The following CALN1 variants were observed in gnomAD, a reference collection of about 807,000 sequenced individuals.
CALN1 encodes the protein calneuron 1.
CALN1 carries 17 observed loss-of-function variants against 30.6 expected under a neutral mutation model. The observed-to-expected ratio is 0.56, with a 90% confidence interval of 0.38 to 0.83. The LOEUF (loss-of-function observed/expected upper bound fraction) is 0.83. Ranked by LOEUF, CALN1 falls within the 40% of genes least tolerant of loss-of-function variation. The probability of loss-of-function intolerance (pLI) is 0.00; values close to 1 mark genes in which losing one functional copy is unlikely to be tolerated. For synonymous variants in CALN1, 156 were observed against 131.4 expected, an observed-to-expected ratio of 1.19 and a Z score of -1.28; for missense variants, 291 against 354.9, an observed-to-expected ratio of 0.82 and a Z score of 1.45.
chr7:72,052,157 T>TTAC (rs1339338968), intron 4 of CALN1, among the ~76,000 whole-genome samples: 2 of 152,170 alleles, frequency 1.3e-5, no homozygotes, highest in Non-Finnish European at 2.9e-5. Flanking sequence ...TTCTGGGAAT[T>TTAC]TACTAACAGT....
At chr7:72,330,970 C>A (rs535021529) in intron 2 of CALN1, among the ~76,000 whole-genome samples, 1 of 152,250 alleles carries the variant, frequency 6.6e-6, no homozygotes, top group East Asian at 1.9e-4. Context: ...AATTAATAAT[C>A]CTGCCAATTT....
At position 71,952,446 on chromosome 7, in the gene CALN1, C is replaced by T. The variant is rs866787910; in HGVS notation, c.501+71211G>A. Among the ~76,000 whole-genome samples, 8 of 152,328 alleles carry T rather than the reference C, an allele frequency of 5.3e-5. No homozygotes were observed. The East Asian group carries it at 1.4e-3, about 26-fold the overall frequency. On this transcript the variant is annotated intron_variant, in intron 5 of 6. Transcript: ENST00000395275. ...TGTCAGCAGAGAAGGAGCTGCTCTG[C>T]CACAAGGACTCGGCTCTGGGTGAGG...
intron 6 of CALN1, among the ~76,000 whole-genome samples, chr7:71,790,368 A>AAAG (rs1470378217): frequency 0.047 from 5,817 of 123,488 alleles, 305 homozygotes; most frequent in East Asian, 0.24. Context: ...AGAAAGAAAG[A>AAAG]AAAGAAAGAA....
chr7:72,188,064 A>C (rs1358241016), intron 3 of CALN1, among the ~76,000 whole-genome samples: 1 of 152,184 alleles, frequency 6.6e-6, no homozygotes, highest in East Asian at 1.9e-4. Context: ...AACAGTGTGG[A>C]GATTTCTTAA....
intron 3 of CALN1, among the ~76,000 whole-genome samples, chr7:72,205,951 T>C (rs1173639767): frequency 6.6e-6 from 1 of 152,280 alleles, no homozygotes; most frequent in African/African-American, 2.4e-5. Context: ...TTTTGGACTT[T>C]TGCCATATAC....
At chr7:71,988,385 C>G (rs191420119) in intron 5 of CALN1, among the ~76,000 whole-genome samples, 20 of 152,098 alleles carry the variant, frequency 1.3e-4, no homozygotes, top group Admixed American at 1.2e-3. Context: ...GGTGTGTGCG[C>G]GCATCCTGCC....
At chr7:71,991,418 T>C (rs1051096019) in intron 5 of CALN1, among the ~76,000 whole-genome samples, 5 of 151,516 alleles carry the variant, frequency 3.3e-5, no homozygotes, top group Admixed American at 6.6e-5. Context: ...AAGATCATGC[T>C]ACTGCACTGC....
At chr7:72,078,313 C>G (rs995905809) in intron 4 of CALN1, among the ~76,000 whole-genome samples, 2 of 151,936 alleles carry the variant, frequency 1.3e-5, no homozygotes, top group Admixed American at 1.3e-4. Context: ...GACGATCCCA[C>G]CTGTACTCTG....
intron 3 of CALN1, among the ~76,000 whole-genome samples, chr7:72,219,403 T>C (rs1245369311): frequency 2.0e-5 from 3 of 152,152 alleles, no homozygotes; most frequent in Admixed American, 2.0e-4. Context: ...TTTTTCTTTT[T>C]ATTTTTTGTA....
chr7:71,888,488 A>C (rs865892763), intron 5 of CALN1, among the ~76,000 whole-genome samples: 2 of 119,632 alleles, frequency 1.7e-5, no homozygotes, highest in African/African-American at 3.6e-5. Context: ...GCAAAAAAAC[A>C]AAAAAACAAA....
In CALN1 at chr7:72,077,467, T is replaced by C. The variant is rs1219687808; in HGVS notation, c.388+28684A>G. On this transcript the variant is annotated intron_variant, in intron 4 of 6. Transcript: ENST00000395275. ...TTTTGTATTTTTAGTAGAGACAGGG[T>C]TTCTCCATGTTAGCCAGGCTGGTCT... Among the ~76,000 whole-genome samples, 4 of 152,136 alleles carry C rather than the reference T, an allele frequency of 2.6e-5. No homozygotes were observed. The East Asian group carries it at 7.7e-4, about 29-fold the overall frequency.
intron 4 of CALN1, among the ~76,000 whole-genome samples, chr7:72,093,578 C>T (rs1404656535): frequency 6.6e-6 from 1 of 152,128 alleles, no homozygotes; most frequent in Non-Finnish European, 1.5e-5. Context: ...TAAAGTAAGG[C>T]TTTGGAAGAC....
At chr7:72,014,085 CT>C (rs71092941) in intron 5 of CALN1, among the ~76,000 whole-genome samples, 6,473 of 123,370 alleles carry the variant, frequency 0.052, 136 homozygotes, top group Non-Finnish European at 0.068. Flanking sequence ...TGAGTTGGCT[CT>C]TTTTTTTTTT....
chr7:72,116,067 T>A (rs1176126910), intron 3 of CALN1, among the ~76,000 whole-genome samples: 1 of 152,172 alleles, frequency 6.6e-6, no homozygotes, highest in African/African-American at 2.4e-5. Context: ...TTATTTTTTC[T>A]GGGCACACTT....
At chr7:72,173,561 T>C (rs969008199) in intron 3 of CALN1, among the ~76,000 whole-genome samples, 1 of 152,124 alleles carries the variant, frequency 6.6e-6, no homozygotes, top group Non-Finnish European at 1.5e-5. Flanking sequence ...CAAGACTTAT[T>C]CTGAAGGCCC....
chr7:71,834,071 A>AT (rs1562822502), intron 5 of CALN1, among the ~76,000 whole-genome samples: 2 of 151,740 alleles, frequency 1.3e-5, no homozygotes, highest in Non-Finnish European at 1.5e-5. Context: ...AAAATACAAA[A>AT]ATTAGCTGGG....
At chr7:72,464,679 C>G in the CALN1 span, among the ~76,000 whole-genome samples, 1 of 152,214 alleles carries the variant, frequency 6.6e-6, no homozygotes, top group Non-Finnish European at 1.5e-5. Flanking sequence ...CCCCAAGTAA[C>G]AGTGACTGGA....
intron 6 of CALN1, among the ~76,000 whole-genome samples, chr7:71,801,420 GTATGTATGTATCTATCTATC>G (rs1480219475): frequency 1.6e-3 from 166 of 102,460 alleles, no homozygotes; most frequent in African/African-American, 6.0e-3. Context: ...ATGTATGTAT[GTATGTATGTATCTATCTATC>G]TATCTATCTA....
At chr7:72,332,692 G>C (rs779094166) in intron 2 of CALN1, among the ~76,000 whole-genome samples, 1 of 152,102 alleles carries the variant, frequency 6.6e-6, no homozygotes, top group Non-Finnish European at 1.5e-5. Flanking sequence ...TCTTAATCCT[G>C]TGAGTTTCCA....
Sources: gnomAD v4.1 joint callset for allele counts (sites outside exome capture counted in the v4.1 genomes callset) on GRCh38, gnomAD v4.1.1 for gene constraint, MANE v1.5 for transcripts, NCBI Gene and HGNC (gene_info 2026-07-23, HGNC 2026-07-21) for gene names.